Variants in BTBD2 observed in about 807,000 individuals in gnomAD.
BTBD2 encodes the protein BTB/POZ domain-containing protein 2.
A neutral mutation model predicts 44.0 loss-of-function variants in BTBD2; 15 were observed. The observed-to-expected ratio is 0.34, with a 90% confidence interval of 0.23 to 0.53. The LOEUF (loss-of-function observed/expected upper bound fraction) is 0.53, where lower values mean the gene tolerates loss of function less well. Ranked by LOEUF, BTBD2 falls within the 20% of genes least tolerant of loss-of-function variation. The pLI, the probability that BTBD2 is intolerant of heterozygous loss-of-function variation, is 0.95. For synonymous variants in BTBD2, 443 were observed against 335.9 expected (o/e 1.32, Z -3.49); for missense variants, 657 against 746.4 (o/e 0.88, Z 1.39).
chr19:1,992,530 G>A (rs546358793), intron 3 of BTBD2, among the ~76,000 whole-genome samples: 4 of 149,252 alleles, frequency 2.7e-5, no homozygotes, highest in Non-Finnish European at 4.5e-5. Flanking sequence ...GTGAGCCACC[G>A]CACCCTGCCA....
chr19:1,987,235 G>T lies in BTBD2; in HGVS notation c.1200C>A (p.Arg400=). 11 of 1,613,840 alleles carry T rather than the reference G, an allele frequency of 6.8e-6. No individual in the cohort carries two copies. Among genetic ancestry groups the T allele is most frequent in the Non-Finnish European group, 9.3e-6 (11 of 1,179,860 alleles). The change falls in exon 7 of 9, where the codon CGC becomes CGA. Residue 400 remains arginine (R), a synonymous_variant. Coordinates refer to ENST00000255608, the MANE Select transcript of BTBD2 (RefSeq NM_017797.4). ...SDRIRFSVNK[R]IFVVGFGLYG... ...ACAGCCCAAATCCCACCACGAAGAT[G>T]CGCTTGTTGACTGAGAACCTGCCGT...
chr19:2,000,434 A>T (rs2016314417), intron 1 of BTBD2, among the ~76,000 whole-genome samples: 2 of 152,224 alleles, frequency 1.3e-5, no homozygotes, highest in South Asian at 4.1e-4. Context: ...CAAAAGCAGA[A>T]AGCAGGAGGC....
At chr19:2,005,559 A>G (rs952861626) in intron 1 of BTBD2, among the ~76,000 whole-genome samples, 10 of 151,976 alleles carry the variant, frequency 6.6e-5, no homozygotes, top group South Asian at 2.1e-4. Flanking sequence ...AGGCGGGTGG[A>G]TCACCTGAGG....
intron 1 of BTBD2, among the ~76,000 whole-genome samples, chr19:1,999,272 G>A (rs531877243): frequency 9.2e-5 from 14 of 152,318 alleles, no homozygotes; most frequent in African/African-American, 2.9e-4. Flanking sequence ...CCCGAACCTC[G>A]GAATGCGAGG....
chr19:1,997,264 G>T, intron 2 of BTBD2, 80 bp downstream of exon 2: 2 of 1,587,536 alleles, frequency 1.3e-6, no homozygotes, highest in Non-Finnish European at 1.7e-6. Flanking sequence ...CCTCTGAGCT[G>T]GTGTCAGACA....
rs371783527 is a variant in BTBD2, at chr19:1,987,614, C to T, written c.1067G>A (p.Arg356Gln). The T allele has an allele frequency of 8.7e-6, 14 of 1,612,616 alleles. No individual in the cohort carries two copies. Among genetic ancestry groups the T allele is most frequent in the Middle Eastern group, 1.6e-4 (1 of 6,078 alleles). The change falls in exon 6 of 9, where the codon CGA becomes CAA. Residue 356 changes from arginine to glutamine, a missense_variant. Coordinates refer to ENST00000255608, the MANE Select transcript of BTBD2 (RefSeq NM_017797.4). ...FLHFTVNPKP[R>Q]VEFIDRPRCC... Reference sequence around the variant, plus strand: ...GCGGGGCCGGTCAATGAACTCCACTCGTGGCTTGGGGTTGACGGTGAAGTG... The same window carrying T: ...GCGGGGCCGGTCAATGAACTCCACTTGTGGCTTGGGGTTGACGGTGAAGTG...
chr19:1,990,548 C>T (rs574968055), intron 4 of BTBD2, among the ~76,000 whole-genome samples, 169 bp downstream of exon 4: 15 of 152,192 alleles, frequency 9.9e-5, no homozygotes, highest in African/African-American at 3.4e-4. Flanking sequence ...GCCAAGGCCC[C>T]GGACTCCCGT....
intron 2 of BTBD2, among the ~76,000 whole-genome samples, chr19:1,996,617 C>T (rs1267343685): frequency 6.6e-6 from 1 of 151,412 alleles, no homozygotes; most frequent in Non-Finnish European, 1.5e-5. Context: ...GACACAGTGG[C>T]TCATGCCTGT....
intron 1 of BTBD2, among the ~76,000 whole-genome samples, chr19:2,009,505 T>C (rs1010136685): frequency 6.6e-6 from 1 of 150,964 alleles, no homozygotes; most frequent in Admixed American, 6.6e-5. Flanking sequence ...CCCAGATTGT[T>C]CTACTTCTAG....
chr19:1,999,461 T>C (rs910154267), intron 1 of BTBD2, among the ~76,000 whole-genome samples: 3 of 151,716 alleles, frequency 2.0e-5, no homozygotes, highest in African/African-American at 7.3e-5. Context: ...AGCCCAGGAG[T>C]TTGAGACCAG....
chr19:2,008,589 C>CTTTTTTTTTTTTTT (rs34228593), intron 1 of BTBD2, among the ~76,000 whole-genome samples: 26 of 126,574 alleles, frequency 2.1e-4, no homozygotes, highest in African/African-American at 7.8e-4. Context: ...CTGTGCCCAG[C>CTTTTTTTTTTTTTT]TTTTTTTTTT....
chr19:1,997,242 AC>A, intron 2 of BTBD2, 101 bp downstream of exon 2: 1 of 1,533,178 alleles, frequency 6.5e-7, no homozygotes, highest in South Asian at 1.2e-5. Context: ...AGAAATCTCC[AC>A]CAAGCCAGGG....
intron 1 of BTBD2, among the ~76,000 whole-genome samples, chr19:2,003,920 G>C (rs147147531): frequency 6.6e-6 from 1 of 152,022 alleles, no homozygotes; most frequent in East Asian, 1.9e-4. Flanking sequence ...CAGCTACCAA[G>C]ATAAAAAAGC....
Position 2,013,451 on chromosome 19 carries a change from G to A in BTBD2, c.407+1846C>T, listed in dbSNP as rs1033954591. The A allele has an allele frequency of 4.3e-5, 41 of 947,098 alleles. No individual in the cohort carries two copies. In the South Asian group the frequency reaches 5.3e-4, roughly 12 times the overall value. The allele number at this position is 947,098 out of a possible 1,614,324, so 58.7% of individuals were successfully genotyped here. A position where few individuals can be genotyped will look rare whatever the true frequency, so the allele number is the denominator to read the frequency against. ...GGGGGTCTCTGGGTTGGAAGGGCCC[G>A]GAGATGGGAGTCTGGGCAGGGGTCT... On this transcript the variant is annotated intron_variant, in intron 1 of 8. Transcript: ENST00000255608.
chr19:1,986,762 C>G, intron 8 of BTBD2, 68 bp downstream of exon 8: 2 of 1,571,734 alleles, frequency 1.3e-6, no homozygotes, highest in Non-Finnish European at 1.7e-6. Context: ...AGAGTGTGTG[C>G]TGTGCCCCGG....
At chr19:2,006,698 T>C (rs1285604960) in intron 1 of BTBD2, among the ~76,000 whole-genome samples, 1 of 151,902 alleles carries the variant, frequency 6.6e-6, no homozygotes, top group African/African-American at 2.4e-5. Context: ...TAAGTTTTTT[T>C]TTTTTCTGAG....
chr19:2,009,491 C>A (rs549271058), intron 1 of BTBD2, among the ~76,000 whole-genome samples: 1 of 151,842 alleles, frequency 6.6e-6, no homozygotes, highest in South Asian at 2.1e-4. Flanking sequence ...AGCCACCACA[C>A]CCACCCAGAT....
At chr19:2,000,837 G>A (rs928885477) in intron 1 of BTBD2, among the ~76,000 whole-genome samples, 13 of 152,176 alleles carry the variant, frequency 8.5e-5, no homozygotes, top group Admixed American at 6.6e-4. Context: ...ACTGGAACAC[G>A]ACCCAGCCAC....
chr19:2,010,456 A>G (rs901558015), intron 1 of BTBD2, among the ~76,000 whole-genome samples: 1 of 152,002 alleles, frequency 6.6e-6, no homozygotes, highest in African/African-American at 2.4e-5. Flanking sequence ...CACTGGGGCC[A>G]CCACCAAGGC....
Sources: allele counts gnomAD v4.1 joint callset (sites outside exome capture counted in the v4.1 genomes callset), GRCh38; gene constraint gnomAD v4.1.1; transcripts MANE v1.5; gene names NCBI Gene and HGNC (gene_info 2026-07-23, HGNC 2026-07-21).